RBPMS2: variants seen among roughly 807,000 people sequenced by gnomAD.
RBPMS2 encodes RNA-binding protein with multiple splicing 2.
RBPMS2 carries 14 observed loss-of-function variants against 25.7 expected under a neutral mutation model. The observed-to-expected ratio is 0.55, with a 90% CI of 0.36 to 0.85. The LOEUF (loss-of-function observed/expected upper bound fraction) is 0.85. Among genes scored for constraint, RBPMS2 ranks in the 40% least tolerant of loss-of-function variants. The pLI is 0.01. For missense variants in RBPMS2, 252 were observed against 283.4 expected (o/e 0.89, Z 0.80); for synonymous variants, 127 against 115.6 (o/e 1.10, Z -0.63).
chr15:64,748,944 C>T (rs946644645), intron 5 of RBPMS2, 56 bp downstream of exon 5: 78 of 1,589,840 alleles, frequency 4.9e-5, no homozygotes, highest in Non-Finnish European at 8.6e-6. Context: ...CAAGAGCCTG[C>T]AAGTCTGCCC....
chr15:64,741,303 G>C, intron 6 of RBPMS2, 61 bp from the exon 7 acceptor site: 1 of 1,371,066 alleles, frequency 7.3e-7, no homozygotes, highest in Admixed American at 2.0e-5. Context: ...AGGAAGCCAG[G>C]TAACCATGGC....
intron 2 of RBPMS2, 29 bp downstream of exon 2, chr15:64,751,532 A>AC (rs2083680501): frequency 6.2e-7 from 1 of 1,602,258 alleles, no homozygotes; most frequent in African/African-American, 1.3e-5. Flanking sequence ...CCCAGGCTCT[A>AC]CCCAGGGGGC....
chr15:64,762,452 A>G, intron 1 of RBPMS2: 1 of 534,784 alleles, frequency 1.9e-6, no homozygotes, highest in Non-Finnish European at 3.8e-6. Context: ...CTTTCCTGTT[A>G]TAAAGACACT....
At position 64,749,367 on chromosome 15, in the gene RBPMS2, C is replaced by T. The variant is rs370608491; in HGVS notation, c.267+64G>A. The T allele has an allele frequency of 4.4e-5, 64 of 1,457,656 alleles. No individual in the cohort carries two copies. The African/African-American group carries it at 7.4e-4, about 17-fold the overall frequency. 90.3% of individuals were successfully genotyped at this position (1,457,656 alleles called of 1,614,324 possible). ...CCAGGGATGGCCGGGAAATAAGATA[C>T]ATCTGCACACCCACTGCCTAAGAGG... On this transcript the variant is annotated intron_variant, in intron 4 of 7. Coordinates refer to ENST00000300069, the MANE Select transcript of RBPMS2 (RefSeq NM_194272.3).
At chr15:64,772,458 C>G (rs72744751) in intron 1 of RBPMS2, among the ~76,000 whole-genome samples, 2 of 151,838 alleles carry the variant, frequency 1.3e-5, no homozygotes, top group African/African-American at 4.8e-5. Context: ...ATCAAAGCTT[C>G]GAACACATCT....
In RBPMS2 at chr15:64,748,523, A is replaced by C. The variant is rs111422187; in HGVS notation, c.463T>G (p.Trp155Gly). 1 of 1,607,092 alleles carries C rather than the reference A, an allele frequency of 6.2e-7. No homozygotes were observed. The highest frequency in any genetic ancestry group is 1.1e-5 in the South Asian group (1 of 90,382). ...AALIPASPEA[W>G]APYPLYTTEL... is the part of the protein sequence containing the mutation. ...GTGGTGTACAAAGGGTAGGGGGCCC[A>C]GGCCTCTGGGGATGCAGGGATCAGA... The change falls in exon 6 of 8, where the codon TGG (tryptophan) becomes GGG (glycine). Residue 155 changes from tryptophan to glycine, a missense_variant. Trp to Gly is a radical substitution (Grantham distance 184). Coordinates refer to ENST00000300069, the MANE Select transcript of RBPMS2 (RefSeq NM_194272.3).
intron 1 of RBPMS2, among the ~76,000 whole-genome samples, chr15:64,758,874 C>T (rs1348891756): frequency 4.6e-5 from 7 of 152,060 alleles, no homozygotes; most frequent in African/African-American, 7.2e-5. Flanking sequence ...TTCTTGAGCT[C>T]TCTCCCGCCA....
At chr15:64,765,989 CAAA>C (rs11315072) in intron 1 of RBPMS2, among the ~76,000 whole-genome samples, 3 of 144,684 alleles carry the variant, frequency 2.1e-5, no homozygotes, top group East Asian at 2.0e-4. Context: ...GAGACTGTCT[CAAA>C]AAAAAAAAAA....
At chr15:64,759,569 A>C (rs1329005926) in intron 1 of RBPMS2, among the ~76,000 whole-genome samples, 1 of 152,210 alleles carries the variant, frequency 6.6e-6, no homozygotes. Context: ...TTCAGAAAAG[A>C]CCAAATTAAA....
chr15:64,746,127 A>G (rs2083616610), intron 6 of RBPMS2, among the ~76,000 whole-genome samples: 1 of 152,206 alleles, frequency 6.6e-6, no homozygotes, highest in Non-Finnish European at 1.5e-5. Flanking sequence ...GTCGGGAAAC[A>G]GTAAAACAAC....
At chr15:64,753,103 A>G (rs1340597798) in intron 1 of RBPMS2, among the ~76,000 whole-genome samples, 1 of 152,144 alleles carries the variant, frequency 6.6e-6, no homozygotes, top group Admixed American at 6.5e-5. Context: ...ATCCATTCAA[A>G]ACATTTTTTG....
At chr15:64,756,240 G>A (rs1280128312) in intron 1 of RBPMS2, among the ~76,000 whole-genome samples, 2 of 152,222 alleles carry the variant, frequency 1.3e-5, no homozygotes, top group Non-Finnish European at 2.9e-5. Context: ...AGAGGGCCGG[G>A]CATGGTGGCT....
chr15:64,750,448 ACCT>A, intron 2 of RBPMS2, 67 bp from the exon 3 acceptor site: 1 of 1,358,876 alleles, frequency 7.4e-7, no homozygotes, highest in Non-Finnish European at 1.1e-6. Context: ...CAGCGCTGCC[ACCT>A]CATCAGCCCC....
At chr15:64,767,092 CT>C (rs925158693) in intron 1 of RBPMS2, among the ~76,000 whole-genome samples, 89 of 151,584 alleles carry the variant, frequency 5.9e-4, no homozygotes, top group African/African-American at 2.0e-3. Context: ...CGGTTTTTTA[CT>C]TTTTTTTTCT....
chr15:64,751,774 C>T, intron 1 of RBPMS2, 136 bp from the exon 2 acceptor site: 1 of 644,382 alleles, frequency 1.6e-6, no homozygotes, highest in Non-Finnish European at 2.7e-6. Flanking sequence ...TCCTTGGATA[C>T]CCAAGGCAAA....
chr15:64,775,055 G>A (rs1165724973), intron 1 of RBPMS2, among the ~76,000 whole-genome samples, 178 bp downstream of exon 1: 1 of 150,760 alleles, frequency 6.6e-6, no homozygotes. Context: ...GGCAGTCCAG[G>A]CCGCACGCTC....
At position 64,748,509 on chromosome 15, in the gene RBPMS2, A is replaced by G. The variant is rs1173906924; in HGVS notation, c.477T>C (p.Pro159=). The change falls in exon 6 of 8, where the codon CCT becomes CCC. Residue 159 remains proline (P), a synonymous_variant. Coordinates refer to ENST00000300069, the MANE Select transcript of RBPMS2 (RefSeq NM_194272.3). Reference sequence around the variant, plus strand: ...CTGGGGTCAGCTCTGTGGTGTACAAAGGGTAGGGGGCCCAGGCCTCTGGGG... The same window carrying G: ...CTGGGGTCAGCTCTGTGGTGTACAAGGGGTAGGGGGCCCAGGCCTCTGGGG... ...PASPEAWAPY[P]LYTTELTPAI... The G allele has an allele frequency of 6.2e-7, 1 of 1,612,120 alleles. No individual in the cohort carries two copies.
chr15:64,742,246 C>T (rs764903314), intron 6 of RBPMS2, among the ~76,000 whole-genome samples: 5 of 152,218 alleles, frequency 3.3e-5, no homozygotes, highest in Admixed American at 3.3e-4. Flanking sequence ...AACATCAGTC[C>T]TGATTCTTCT....
intron 1 of RBPMS2, among the ~76,000 whole-genome samples, chr15:64,764,202 G>C (rs1384485856): frequency 6.6e-6 from 1 of 152,232 alleles, no homozygotes; most frequent in Non-Finnish European, 1.5e-5. Context: ...TCTTGGTGCT[G>C]TGTGGCCAGC....
Sources: allele counts gnomAD v4.1 joint callset (sites outside exome capture counted in the v4.1 genomes callset), GRCh38; gene constraint gnomAD v4.1.1; transcripts MANE v1.5; gene names NCBI Gene and HGNC (gene_info 2026-07-23, HGNC 2026-07-21).